The following DCN variants were observed in gnomAD, a reference collection of about 807,000 sequenced individuals.
The protein encoded by DCN is bone proteoglycan II.
DCN carries 17 observed loss-of-function variants against 36.5 expected under a neutral mutation model. The observed-to-expected ratio is 0.47, with a 90% CI of 0.32 to 0.70. The LOEUF (loss-of-function observed/expected upper bound fraction) is 0.70, where lower values mean the gene tolerates loss of function less well. Ranked by LOEUF, DCN falls within the 30% of genes least tolerant of loss-of-function variation. The pLI is 0.04. For synonymous variants in DCN, 163 were observed against 161.4 expected (o/e 1.01, Z -0.07); for missense variants, 389 against 430.1 (o/e 0.90, Z 0.84).
intron 2 of DCN, among the ~76,000 whole-genome samples, chr12:91,165,757 A>G (rs1013252561): frequency 6.6e-6 from 1 of 152,128 alleles, no homozygotes; most frequent in African/African-American, 2.4e-5. Flanking sequence ...GGTAGAAGCA[A>G]TCTCTCCATC....
rs568091281 is a variant in DCN, at chr12:91,156,866, C to T, written c.652+209G>A. Among the ~76,000 whole-genome samples, 6 of 152,092 alleles carry T rather than the reference C, an allele frequency of 3.9e-5. No homozygotes were observed. In the South Asian group the frequency reaches 1.2e-3, roughly 32 times the overall value. On this transcript the variant is annotated intron_variant, in intron 5 of 7. Coordinates refer to ENST00000052754, the MANE Select transcript of DCN (RefSeq NM_001920.5). ...TGAGCCTGGATGGCCCCGTGGTCAT[C>T]CAGACTGAATCACTGGATATAACAC...
intron 1 of DCN, among the ~76,000 whole-genome samples, chr12:91,182,365 A>G (rs1592713589): frequency 6.6e-6 from 1 of 152,226 alleles, no homozygotes; most frequent in South Asian, 2.1e-4. Context: ...CATTAATACA[A>G]ACACAAAAAC....
rs201750755 is a variant in DCN, at chr12:91,158,375, C to T, written c.459G>A (p.Gln153=). The T allele has an allele frequency of 2.5e-6, 4 of 1,613,670 alleles. No individual in the cohort carries two copies. Among genetic ancestry groups the T allele is most frequent in the Non-Finnish European group, 3.4e-6 (4 of 1,179,688 alleles). ...ELPEKMPKTL[Q]ELRAHENEIT... is the part of the protein sequence containing the mutation. ...TCTCATTCTCATGGGCACGCAGCTC[C>T]TGAAGAGTTTTGGGCATTTTTTCTG... is the stretch of plus-strand genomic sequence containing the variant. Residue 153 remains glutamine (Q), a synonymous_variant, in exon 4 of 8, where the codon CAG becomes CAA. Coordinates refer to ENST00000052754, the MANE Select transcript of DCN (RefSeq NM_001920.5).
At chr12:91,169,378 C>CTA (rs71097880) in intron 2 of DCN, among the ~76,000 whole-genome samples, 836 of 73,320 alleles carry the variant, frequency 0.011, 43 homozygotes, top group Middle Eastern at 0.037. Context: ...GAGATCCTGT[C>CTA]AAAAAAAAAA....
chr12:91,160,793 A>T (rs998991626), intron 3 of DCN, among the ~76,000 whole-genome samples: 2 of 152,280 alleles, frequency 1.3e-5, no homozygotes, highest in African/African-American at 2.4e-5. Flanking sequence ...TCAACTTATT[A>T]AGCTTCAATT....
intron 7 of DCN, among the ~76,000 whole-genome samples, chr12:91,148,463 A>G (rs574220391): frequency 5.9e-5 from 9 of 152,088 alleles, no homozygotes; most frequent in Admixed American, 2.0e-4. Context: ...TATGTCTGTA[A>G]TCTCAGCACT....
intron 5 of DCN, 56 bp downstream of exon 5, chr12:91,157,019 T>A: frequency 3.1e-6 from 4 of 1,277,720 alleles, no homozygotes; most frequent in Non-Finnish European, 4.5e-6. Context: ...TTTTTTTTTT[T>A]AATTAAAGCC....
chr12:91,169,161 C>A (rs1024478747), intron 2 of DCN, among the ~76,000 whole-genome samples: 4 of 151,972 alleles, frequency 2.6e-5, no homozygotes, highest in Non-Finnish European at 5.9e-5. Context: ...CTTTTGGAAT[C>A]TCAGACAGGT....
In DCN at chr12:91,144,913, A is replaced by G. The variant is rs564655483; in HGVS notation, c.*1145T>C. 1.3e-5 allele frequency: 2 copies of G among 152,316 alleles called. No homozygotes were observed. Among genetic ancestry groups the G allele is most frequent in the African/African-American group, 4.8e-5 (2 of 41,556 alleles). The allele number at this position is 152,316 out of a possible 1,614,324, so 9.4% of individuals were successfully genotyped here. ...ACAAAATTTAGTCCACCATATTTCA[A>G]TTATTTGCTATACTTAATAAATTAT... On this transcript the variant is annotated 3_prime_UTR_variant, in exon 8 of 8. Coordinates refer to ENST00000052754, the MANE Select transcript of DCN (RefSeq NM_001920.5).
chr12:91,147,582 C>T (rs1330711575), intron 7 of DCN, among the ~76,000 whole-genome samples: 1 of 152,076 alleles, frequency 6.6e-6, no homozygotes, highest in African/African-American at 2.4e-5. Context: ...TTTCATATAT[C>T]AGGTCTACAT....
intron 1 of DCN, 115 bp from the exon 2 acceptor site, chr12:91,178,700 ATT>A: frequency 1.4e-6 from 1 of 711,240 alleles, no homozygotes; most frequent in South Asian, 1.6e-5. Context: ...ATAATATTTC[ATT>A]TGTTATCAGG....
intron 2 of DCN, 136 bp downstream of exon 2, chr12:91,178,206 C>T: frequency 2.6e-6 from 2 of 770,422 alleles, no homozygotes; most frequent in Admixed American, 2.0e-5. Context: ...TCCTGTTCTG[C>T]TTCCTTTACT....
chr12:91,146,866 A>T (rs765101994), intron 7 of DCN, among the ~76,000 whole-genome samples: 2 of 152,200 alleles, frequency 1.3e-5, no homozygotes, highest in African/African-American at 2.4e-5. Context: ...TTGCTAGCTC[A>T]GCCTTCAAAA....
At chr12:91,164,462 T>TAA (rs36087078) in intron 3 of DCN, 143 bp downstream of exon 3, 5,625 of 316,402 alleles carry the variant, frequency 0.018, 35 homozygotes, top group East Asian at 0.052. Context: ...AAAAAAAAAG[T>TAA]AAAAAAAAAA....
intron 2 of DCN, among the ~76,000 whole-genome samples, chr12:91,171,680 C>A (rs563638453): frequency 6.6e-6 from 1 of 152,256 alleles, no homozygotes; most frequent in South Asian, 2.1e-4. Context: ...AGCTTGTGGG[C>A]GACAGCAGCA....
At chr12:91,172,580 A>C in intron 2 of DCN, 1 of 465,628 alleles carries the variant, frequency 2.1e-6, no homozygotes, top group Non-Finnish European at 3.8e-6. Context: ...GTCAAACTCA[A>C]GGAATTTCTA....
intron 5 of DCN, 135 bp from the exon 6 acceptor site, chr12:91,153,324 C>T: frequency 1.5e-6 from 1 of 655,064 alleles, no homozygotes. Flanking sequence ...TTACTTTTAT[C>T]TTTTTTTTTC....
rs1278264762 is a variant in DCN at position 91,144,448 on chromosome 12, A to T, written c.*1610T>A. On this transcript the variant is annotated 3_prime_UTR_variant, in exon 8 of 8. Coordinates refer to ENST00000052754, the MANE Select transcript of DCN (RefSeq NM_001920.5). ...TCATGAGAGGAGGATCTCTTGGGAG[A>T]TGAAAAAGAGAAGAAAAAGAGAGGT... 1.3e-5 allele frequency: 2 copies of T among 152,174 alleles called. No homozygotes were observed. Among genetic ancestry groups the T allele is most frequent in the Non-Finnish European group, 2.9e-5 (2 of 68,024 alleles). 9.4% of individuals were successfully genotyped at this position (152,174 alleles called of 1,614,324 possible).
intron 5 of DCN, among the ~76,000 whole-genome samples, chr12:91,154,350 C>T (rs1378492299): frequency 2.0e-5 from 3 of 152,084 alleles, no homozygotes; most frequent in Non-Finnish European, 4.4e-5. Flanking sequence ...CTTTAAGCCT[C>T]TCAAAACATA....
Sources: gnomAD v4.1 joint callset for allele counts (sites outside exome capture counted in the v4.1 genomes callset) on GRCh38, gnomAD v4.1.1 for gene constraint, MANE v1.5 for transcripts, NCBI Gene and HGNC (gene_info 2026-07-23, HGNC 2026-07-21) for gene names.